Variants in COL5A2 observed in about 807,000 individuals in gnomAD.
COL5A2 encodes collagen alpha-2(V) chain.
COL5A2 carries 23 observed loss-of-function variants against 208.2 expected under a neutral mutation model. That is an observed-to-expected ratio of 0.11 (90% confidence interval 0.08 to 0.16). The LOEUF (loss-of-function observed/expected upper bound fraction) is 0.16, where lower values mean the gene tolerates loss of function less well. Ranked by LOEUF, COL5A2 falls within the 10% of genes least tolerant of loss-of-function variation. COL5A2 has a pLI of 1.00. For missense variants in COL5A2, 1,590 were observed against 1,956.4 expected, an observed-to-expected ratio of 0.81 and a Z score of 3.53; for synonymous variants, 625 against 628.5, an observed-to-expected ratio of 0.99 and a Z score of 0.08.
chr2:189,244,495 T>C, the COL5A2 span, among the ~76,000 whole-genome samples: 3 of 152,182 alleles, frequency 2.0e-5, no homozygotes, highest in South Asian at 6.2e-4. Context: ...AAGTTCCTCA[T>C]CTCCATCTGA....
At chr2:189,382,695 G>A in the COL5A2 span, among the ~76,000 whole-genome samples, 5 of 152,196 alleles carry the variant, frequency 3.3e-5, no homozygotes, top group African/African-American at 9.7e-5. Context: ...AAAAGAGTCA[G>A]CAAAGGGTGG....
At chr2:189,114,388 A>G (rs1687345289) in intron 1 of COL5A2, among the ~76,000 whole-genome samples, 1 of 152,242 alleles carries the variant, frequency 6.6e-6, no homozygotes, top group Non-Finnish European at 1.5e-5. Context: ...TGTTTTCTAC[A>G]CAGACATTTA....
chr2:189,173,137 A>C (rs1688605961), intron 1 of COL5A2, among the ~76,000 whole-genome samples: 1 of 151,248 alleles, frequency 6.6e-6, no homozygotes, highest in Non-Finnish European at 1.5e-5. Flanking sequence ...TACCCAGATA[A>C]ATTTTTTTGT....
chr2:189,240,844 G>T, the COL5A2 span, among the ~76,000 whole-genome samples: 4 of 152,128 alleles, frequency 2.6e-5, no homozygotes, highest in Non-Finnish European at 4.4e-5. Flanking sequence ...TGGCTCTCAA[G>T]TGCAATCAAT....
chr2:189,218,266 CA>C (rs1689303672), intron 1 of COL5A2, among the ~76,000 whole-genome samples: 1 of 152,120 alleles, frequency 6.6e-6, no homozygotes, highest in Non-Finnish European at 1.5e-5. Context: ...AAGGCCTTTG[CA>C]AATGTAGCTA....
rs1051054532 is a variant in COL5A2 at position 189,085,224 on chromosome 2, A to C, written c.745-11T>G. Reference sequence around the variant, plus strand: ...TGAACCAATCGGACCCTAATAACAGAACAAAACAAAAGGAAAAAAAGAATA... The same window carrying C: ...TGAACCAATCGGACCCTAATAACAGCACAAAACAAAAGGAAAAAAAGAATA... On this transcript the variant is annotated splice_polypyrimidine_tract_variant and intron_variant, in intron 10 of 53. Transcript: ENST00000374866. The C allele has an allele frequency of 6.2e-7, 1 of 1,606,376 alleles. No homozygotes were observed. Among genetic ancestry groups the C allele is most frequent in the Non-Finnish European group, 8.5e-7 (1 of 1,175,484 alleles).
intron 36 of COL5A2, 79 bp downstream of exon 36, chr2:189,054,080 A>G: frequency 6.9e-7 from 1 of 1,453,476 alleles, no homozygotes; most frequent in South Asian, 1.1e-5. Flanking sequence ...CATATGTTAT[A>G]AAATGAAAAG....
intron 1 of COL5A2, among the ~76,000 whole-genome samples, chr2:189,217,425 T>C (rs899218663): frequency 6.6e-6 from 1 of 152,224 alleles, no homozygotes; most frequent in South Asian, 2.1e-4. Flanking sequence ...TCCAGTGCTG[T>C]TGGAGTAGCC....
intron 1 of COL5A2, among the ~76,000 whole-genome samples, chr2:189,212,463 C>A (rs1014826711): frequency 3.3e-5 from 5 of 151,898 alleles, no homozygotes; most frequent in African/African-American, 4.8e-5. Flanking sequence ...CATGGTGAAA[C>A]CCAGTCTCTA....
chr2:189,141,698 C>T (rs374235685), intron 1 of COL5A2, among the ~76,000 whole-genome samples: 3 of 152,112 alleles, frequency 2.0e-5, no homozygotes, highest in Admixed American at 6.6e-5. Context: ...TTCAAAATAG[C>T]GAAATGCACT....
the COL5A2 span, among the ~76,000 whole-genome samples, chr2:189,427,712 C>G: frequency 1.3e-5 from 2 of 152,330 alleles, no homozygotes; most frequent in African/African-American, 2.4e-5. Context: ...GAATATGGGA[C>G]AAGGAGTCGA....
the COL5A2 span, among the ~76,000 whole-genome samples, chr2:189,296,588 C>T: frequency 6.6e-6 from 1 of 152,174 alleles, no homozygotes; most frequent in African/African-American, 2.4e-5. Context: ...AGTTTTGTTT[C>T]AGCAAGCAAT....
chr2:189,105,190 G>A (rs960558661), intron 2 of COL5A2, among the ~76,000 whole-genome samples: 9 of 151,698 alleles, frequency 5.9e-5, no homozygotes, highest in East Asian at 1.9e-4. Flanking sequence ...TAATTGTTAC[G>A]TATACGCTAC....
chr2:189,093,747 T>A (rs1202629932), intron 6 of COL5A2, among the ~76,000 whole-genome samples: 1 of 152,168 alleles, frequency 6.6e-6, no homozygotes, highest in Admixed American at 6.6e-5. Flanking sequence ...TACTAACAAT[T>A]TACTTCACAC....
intron 2 of COL5A2, among the ~76,000 whole-genome samples, chr2:189,106,293 A>T (rs1170011917): frequency 6.6e-5 from 10 of 151,432 alleles, no homozygotes; most frequent in Non-Finnish European, 1.3e-4. Context: ...TTGAATTAGC[A>T]GTATTAAAAA....
At chr2:189,049,128 C>T (rs999556219) in intron 44 of COL5A2, among the ~76,000 whole-genome samples, 2 of 152,166 alleles carry the variant, frequency 1.3e-5, no homozygotes, top group African/African-American at 4.8e-5. Context: ...TAGCTCCAGA[C>T]TAGATGAAGG....
chr2:189,358,669 G>T, the COL5A2 span, among the ~76,000 whole-genome samples: 1 of 152,148 alleles, frequency 6.6e-6, no homozygotes, highest in Non-Finnish European at 1.5e-5. Flanking sequence ...TGGATAGTGT[G>T]AACATTTTAA....
chr2:189,058,220 C>T (rs934666023), intron 33 of COL5A2, among the ~76,000 whole-genome samples: 1 of 152,046 alleles, frequency 6.6e-6, no homozygotes, highest in African/African-American at 2.4e-5. Context: ...AACTACAATC[C>T]CCATCAAAGA....
the COL5A2 span, among the ~76,000 whole-genome samples, chr2:189,276,643 G>T: frequency 1.4e-4 from 22 of 152,030 alleles, no homozygotes; most frequent in African/African-American, 4.6e-4. Context: ...CTCACTTAAG[G>T]CTCTAGCATT....
Sources: gnomAD v4.1 joint callset for allele counts (sites outside exome capture counted in the v4.1 genomes callset) on GRCh38, gnomAD v4.1.1 for gene constraint, MANE v1.5 for transcripts, NCBI Gene and HGNC (gene_info 2026-07-23, HGNC 2026-07-21) for gene names.